The following SPTLC3 variants were observed in gnomAD, a reference collection of about 807,000 sequenced individuals.
SPTLC3 encodes the protein serine palmitoyltransferase long chain base subunit 3.
SPTLC3 carries 36 observed loss-of-function variants against 59.3 expected under a neutral mutation model. The ratio of observed to expected loss-of-function variants is 0.61; its 90% CI spans 0.47 to 0.80. The LOEUF (loss-of-function observed/expected upper bound fraction) is 0.80. SPTLC3 is among the 30% of genes least tolerant of loss of function. SPTLC3 has a pLI of 0.00. For missense variants in SPTLC3, 625 were observed against 685.1 expected, an observed-to-expected ratio of 0.91 and a Z score of 0.98; for synonymous variants, 257 against 240.8, an observed-to-expected ratio of 1.07 and a Z score of -0.62.
Position 13,117,610 on chromosome 20 carries a change from CA to C in SPTLC3, c.1039del (p.Thr347ProfsTer11). On this transcript the variant is annotated frameshift_variant, in exon 8 of 12. Transcript: ENST00000399002. LOFTEE classifies it high-confidence loss of function. The part of the protein sequence containing the change: ...DEAHSIGAVG[P>X]TGRGVTEFFG... The stretch of plus-strand genomic sequence containing the variant: ...GCTCACAGTATTGGGGCCGTGGGCC[CA>C]ACCGGCCGGGGTGTCACGGAGTTCT... 1.2e-6 allele frequency: 2 copies of C among 1,613,060 alleles called. No homozygotes were observed. The highest frequency in any genetic ancestry group is 1.7e-6 in the Non-Finnish European group (2 of 1,179,214).
chr20:13,164,845 C>T lies in SPTLC3; in HGVS notation c.1637C>T (p.Thr546Met), dbSNP rs201373651. 1.9e-5 allele frequency: 30 copies of T among 1,613,346 alleles called. No homozygotes were observed. Among genetic ancestry groups the T allele is most frequent in the Middle Eastern group, 1.6e-4 (1 of 6,080 alleles). Reference sequence around the variant, plus strand: ...GCACGTCCTGAGCTCTATGATGAGACGAGCTTTGAACTCGAAGATTAAGTT... The same window carrying T: ...GCACGTCCTGAGCTCTATGATGAGATGAGCTTTGAACTCGAAGATTAAGTT... ...KSARPELYDE[T>M]SFELED The change falls in exon 12 of 12, where the codon ACG becomes ATG. Residue 546 changes from threonine to methionine, a missense_variant. Thr to Met is a moderately conservative substitution (Grantham distance 81). Coordinates refer to ENST00000399002, the MANE Select transcript of SPTLC3 (RefSeq NM_018327.4).
chr20:13,082,725 G>T (rs1988881398), intron 4 of SPTLC3, among the ~76,000 whole-genome samples: 1 of 152,154 alleles, frequency 6.6e-6, no homozygotes, highest in African/African-American at 2.4e-5. Flanking sequence ...AAATCCTCCA[G>T]ATTTATAGCA....
At chr20:13,065,224 T>C (rs1051814387) in intron 2 of SPTLC3, among the ~76,000 whole-genome samples, 2 of 151,806 alleles carry the variant, frequency 1.3e-5, no homozygotes, top group East Asian at 3.9e-4. Context: ...TTAAAATAAA[T>C]GTATATTAAT....
intron 1 of SPTLC3, among the ~76,000 whole-genome samples, chr20:13,029,148 C>T (rs1045230316): frequency 9.2e-5 from 14 of 152,146 alleles, no homozygotes; most frequent in South Asian, 2.1e-4. Context: ...TAGCTTATGA[C>T]AGGAGGGGCT....
intron 4 of SPTLC3, among the ~76,000 whole-genome samples, chr20:13,090,714 T>C (rs1003488582): frequency 3.3e-5 from 5 of 152,208 alleles, no homozygotes; most frequent in African/African-American, 4.8e-5. Context: ...CTTCTAACAC[T>C]GCAGATCTGT....
At chr20:13,089,748 T>A (rs1989144454) in intron 4 of SPTLC3, among the ~76,000 whole-genome samples, 1 of 141,916 alleles carries the variant, frequency 7.0e-6, no homozygotes, top group Admixed American at 7.6e-5. Flanking sequence ...ATCACACTAC[T>A]GCATTCCAGC....
chr20:13,140,488 A>G (rs113328464), intron 9 of SPTLC3, among the ~76,000 whole-genome samples: 1 of 152,172 alleles, frequency 6.6e-6, no homozygotes, highest in African/African-American at 2.4e-5. Context: ...AAAACTAGAG[A>G]CTTCCTATCA....
intron 10 of SPTLC3, among the ~76,000 whole-genome samples, chr20:13,159,452 A>C (rs2038846801): frequency 6.6e-6 from 1 of 152,156 alleles, no homozygotes; most frequent in South Asian, 2.1e-4. Flanking sequence ...TTGGCGCTGC[A>C]GTGGGAATAT....
chr20:13,020,427 T>C (rs1600207493), intron 1 of SPTLC3, among the ~76,000 whole-genome samples: 1 of 151,926 alleles, frequency 6.6e-6, no homozygotes, highest in Non-Finnish European at 1.5e-5. Context: ...TCCCAGGAGG[T>C]TGAAGTGGGA....
Position 13,079,618 on chromosome 20 carries a change from C to T in SPTLC3, c.607+5121C>T, listed in dbSNP as rs111388640. 421 of 286,724 alleles carry T rather than the reference C, an allele frequency of 1.5e-3. 1 individual carries two copies. Among genetic ancestry groups the T allele is most frequent in the African/African-American group, 9.1e-3 (392 of 43,126 alleles). The allele number at this position is 286,724 out of a possible 1,614,324, so 17.8% of individuals were successfully genotyped here. ...ATATGAAATGCACTTGTGTGTGTTCCCAGGGAGGACCCTGTTAGGAATGTC... is the reference window on the plus strand; with the variant it reads ...ATATGAAATGCACTTGTGTGTGTTCTCAGGGAGGACCCTGTTAGGAATGTC... On this transcript the variant is annotated intron_variant, in intron 4 of 11. Coordinates refer to ENST00000399002, the MANE Select transcript of SPTLC3 (RefSeq NM_018327.4).
chr20:13,058,738 T>C (rs1476935779), intron 2 of SPTLC3, among the ~76,000 whole-genome samples: 2 of 152,190 alleles, frequency 1.3e-5, no homozygotes, highest in African/African-American at 4.8e-5. Context: ...TCAATGGTTT[T>C]GGGTGGGGCC....
intron 1 of SPTLC3, among the ~76,000 whole-genome samples, chr20:13,018,875 C>T (rs149867238): frequency 1.8e-3 from 278 of 152,210 alleles, no homozygotes; most frequent in African/African-American, 6.0e-3. Context: ...TATAAATTTA[C>T]GACAGAAAGA....
At chr20:13,136,479 G>T (rs1242631957) in intron 9 of SPTLC3, among the ~76,000 whole-genome samples, 2 of 151,388 alleles carry the variant, frequency 1.3e-5, no homozygotes, top group African/African-American at 4.9e-5. Context: ...AGACACCTGT[G>T]GTCCCAGCTA....
intron 9 of SPTLC3, among the ~76,000 whole-genome samples, chr20:13,146,461 GT>G (rs1485793576): frequency 6.6e-6 from 1 of 152,034 alleles, no homozygotes; most frequent in Non-Finnish European, 1.5e-5. Flanking sequence ...ATTTACAAGG[GT>G]TCCCAGAAGG....
chr20:13,040,428 G>A (rs150074242), intron 1 of SPTLC3, among the ~76,000 whole-genome samples: 2,978 of 151,466 alleles, frequency 0.02, 107 homozygotes, highest in African/African-American at 0.069. Context: ...GCGCAATCTC[G>A]GCTCACTGCA....
chr20:13,040,648 T>A (rs1986939448), intron 1 of SPTLC3, among the ~76,000 whole-genome samples: 1 of 152,104 alleles, frequency 6.6e-6, no homozygotes, highest in African/African-American at 2.4e-5. Context: ...ATGAGCCACT[T>A]TAATAATTTC....
intron 1 of SPTLC3, among the ~76,000 whole-genome samples, chr20:13,022,930 C>G (rs948075898): frequency 1.3e-5 from 2 of 152,160 alleles, no homozygotes; most frequent in African/African-American, 4.8e-5. Flanking sequence ...CACAGCCTGG[C>G]CAGATCATCT....
At chr20:13,136,217 G>A (rs1244833330) in intron 9 of SPTLC3, among the ~76,000 whole-genome samples, 2 of 152,056 alleles carry the variant, frequency 1.3e-5, no homozygotes, top group Non-Finnish European at 2.9e-5. Flanking sequence ...TGGAAGAAAA[G>A]GAAGGAGAAA....
intron 9 of SPTLC3, among the ~76,000 whole-genome samples, chr20:13,146,602 G>A (rs1476217087): frequency 6.6e-6 from 1 of 152,068 alleles, no homozygotes; most frequent in African/African-American, 2.4e-5. Flanking sequence ...TATTCAGGAA[G>A]CAATAATACT....
Sources: allele counts gnomAD v4.1 joint callset (sites outside exome capture counted in the v4.1 genomes callset), GRCh38; gene constraint gnomAD v4.1.1; transcripts MANE v1.5; gene names NCBI Gene and HGNC (gene_info 2026-07-23, HGNC 2026-07-21).